The following FBXW11 variants were observed in gnomAD, a reference collection of about 807,000 sequenced individuals.
FBXW11 encodes F-box/WD repeat-containing protein 11.
Under a neutral mutation model 77.6 loss-of-function variants are expected in FBXW11, and 19 were observed. The observed-to-expected ratio is 0.24, with a 90% CI of 0.17 to 0.36. The LOEUF (loss-of-function observed/expected upper bound fraction) is 0.36, where lower values mean the gene tolerates loss of function less well. FBXW11 is among the 10% of genes least tolerant of loss of function. The probability of loss-of-function intolerance (pLI) is 1.00; values close to 1 mark genes in which losing one functional copy is unlikely to be tolerated. For missense variants in FBXW11, 334 were observed against 704.2 expected (o/e 0.47, Z 5.95); for synonymous variants, 235 against 249.4 (o/e 0.94, Z 0.54).
intron 2 of FBXW11, among the ~76,000 whole-genome samples, 180 bp from the exon 3 acceptor site, chr5:171,914,585 C>T (rs1459953782): frequency 6.6e-6 from 1 of 152,012 alleles, no homozygotes; most frequent in South Asian, 2.1e-4. Context: ...TTTCATAAAT[C>T]GATAAAGTTA....
intron 7 of FBXW11, among the ~76,000 whole-genome samples, chr5:171,878,839 C>T (rs1758310155): frequency 6.6e-6 from 1 of 151,966 alleles, no homozygotes; most frequent in Admixed American, 6.6e-5. Context: ...AGAATTGGCT[C>T]ACTCTCTGGA....
At chr5:171,907,418 C>T (rs889842175) in intron 4 of FBXW11, among the ~76,000 whole-genome samples, 46 of 152,098 alleles carry the variant, frequency 3.0e-4, no homozygotes, top group African/African-American at 1.1e-3. Flanking sequence ...AGTTGCTCCA[C>T]ACATTATTAA....
intron 3 of FBXW11, among the ~76,000 whole-genome samples, chr5:171,913,828 C>CACACACACACAT (rs1561677707): frequency 4.3e-4 from 51 of 118,052 alleles, no homozygotes; most frequent in Admixed American, 3.0e-3. Context: ...TACACACACA[C>CACACACACACAT]ACACACACAC....
chr5:171,985,053 A>G (rs1281884732), intron 1 of FBXW11, among the ~76,000 whole-genome samples: 1 of 152,170 alleles, frequency 6.6e-6, no homozygotes, highest in Non-Finnish European at 1.5e-5. Flanking sequence ...ACAAACACAC[A>G]TATACGCACA....
rs372901835 is a variant in FBXW11, at chr5:171,876,413, C to T, written c.1093G>A (p.Val365Met). ...TCGGTCGCAGAAGCCATGTCCCACA[C>T]AGCAATGGAGCGGTCCTTGGAACAG... ...VTCSKDRSIA[V>M]WDMASATDIT... Residue 365 changes from valine to methionine, a missense_variant, in exon 9 of 14, where the codon GTG becomes ATG. Val to Met is a conservative substitution (Grantham distance 21). Transcript: ENST00000517395. This position sits in a 1 kb window ranked among gnomAD's most constrained non-coding sequence, Gnocchi z 4.2. 6.2e-7 allele frequency: 1 copy of T among 1,614,012 alleles called. No individual in the cohort carries two copies. Among genetic ancestry groups the T allele is most frequent in the Non-Finnish European group, 8.5e-7 (1 of 1,180,020 alleles).
rs77582933 is a variant in FBXW11, at chr5:171,906,512, T to C, written c.436+4060A>G. Among the ~76,000 whole-genome samples the C allele has an allele frequency of 8.9e-3, 1,351 of 152,290 alleles. 17 individuals carry two copies. The highest frequency in any genetic ancestry group is 0.028 in the African/African-American group (1,168 of 41,558). On this transcript the variant is annotated intron_variant, in intron 4 of 13. Transcript: ENST00000517395. ...ATTCGGGAATCAGTGGGTGAATAAT[T>C]AAAATTTCCTACCAATAAATCTTAC...
At chr5:171,936,793 T>C (rs1762505430) in intron 2 of FBXW11, among the ~76,000 whole-genome samples, 1 of 152,120 alleles carries the variant, frequency 6.6e-6, no homozygotes. Context: ...AACTTGCTTT[T>C]CCAGCACGTG....
intron 1 of FBXW11, among the ~76,000 whole-genome samples, chr5:171,999,219 C>T (rs191357425): frequency 2.7e-4 from 41 of 152,116 alleles, no homozygotes; most frequent in African/African-American, 9.2e-4. Flanking sequence ...TGGCTAGTAG[C>T]GAACTGCTAA....
chr5:171,889,803 G>T (rs181814552), intron 7 of FBXW11, among the ~76,000 whole-genome samples: 2 of 152,024 alleles, frequency 1.3e-5, no homozygotes, highest in Non-Finnish European at 2.9e-5. Context: ...CAGGATAATC[G>T]CTCAAACCCG....
intron 2 of FBXW11, among the ~76,000 whole-genome samples, chr5:171,921,576 A>G (rs1761599546): frequency 6.6e-6 from 1 of 152,212 alleles, no homozygotes; most frequent in African/African-American, 2.4e-5. Context: ...TGAATTGAGA[A>G]GATCCCCTAC....
At chr5:171,971,351 TA>T (rs1764518941) in intron 1 of FBXW11, among the ~76,000 whole-genome samples, 2 of 152,236 alleles carry the variant, frequency 1.3e-5, no homozygotes, top group South Asian at 4.1e-4. Context: ...AAAAGTCTTA[TA>T]AACTACTGCA....
At chr5:171,949,195 G>A (rs1456634816) in intron 2 of FBXW11, among the ~76,000 whole-genome samples, 1 of 152,146 alleles carries the variant, frequency 6.6e-6, no homozygotes, top group Non-Finnish European at 1.5e-5. Flanking sequence ...GCTTACAAAG[G>A]TTGATGGCTG....
At chr5:171,928,263 T>C (rs1474612555) in intron 2 of FBXW11, among the ~76,000 whole-genome samples, 2 of 152,048 alleles carry the variant, frequency 1.3e-5, no homozygotes, top group South Asian at 2.1e-4. Context: ...AGACAAATAA[T>C]AGAAAACACA....
At chr5:171,901,564 A>G (rs1760115381) in intron 4 of FBXW11, among the ~76,000 whole-genome samples, 1 of 152,214 alleles carries the variant, frequency 6.6e-6, no homozygotes, top group Admixed American at 6.5e-5. Context: ...TCTAAGAATA[A>G]AGACTACACT....
At chr5:171,906,330 C>T (rs769674508) in intron 4 of FBXW11, among the ~76,000 whole-genome samples, 43 of 151,960 alleles carry the variant, frequency 2.8e-4, no homozygotes, top group Non-Finnish European at 4.0e-4. Flanking sequence ...AGTCCCTCAA[C>T]GGATGCCTTT....
chr5:171,906,505 G>C (rs1760535031), intron 4 of FBXW11, among the ~76,000 whole-genome samples: 1 of 152,190 alleles, frequency 6.6e-6, no homozygotes, highest in Non-Finnish European at 1.5e-5. Context: ...ATCAGTGGGT[G>C]AATAATTAAA....
intron 2 of FBXW11, among the ~76,000 whole-genome samples, chr5:171,932,932 C>T (rs1581220981): frequency 1.0e-5 from 1 of 99,820 alleles, no homozygotes; most frequent in Non-Finnish European, 1.9e-5. Context: ...GACTGAACAA[C>T]ATAGGGAGAC....
intron 1 of FBXW11, among the ~76,000 whole-genome samples, chr5:171,961,500 T>G (rs1164010909): frequency 6.6e-6 from 1 of 152,196 alleles, no homozygotes; most frequent in Non-Finnish European, 1.5e-5. Flanking sequence ...CTGTACCCGC[T>G]AGCCAAAACA....
chr5:171,965,321 T>C (rs1764125290), intron 1 of FBXW11, among the ~76,000 whole-genome samples: 1 of 152,186 alleles, frequency 6.6e-6, no homozygotes, highest in Non-Finnish European at 1.5e-5. Context: ...TGTCAGGAGT[T>C]TGAGACCAGC....
Sources: allele counts gnomAD v4.1 joint callset (sites outside exome capture counted in the v4.1 genomes callset), GRCh38; gene constraint gnomAD v4.1.1; non-coding constraint Gnocchi (gnomAD v3.1); transcripts MANE v1.5; gene names NCBI Gene and HGNC (gene_info 2026-07-23, HGNC 2026-07-21).